Variants in DZIP3 observed in about 807,000 individuals in gnomAD.
DZIP3 encodes DAZ interacting zinc finger protein 3.
DZIP3 carries 118 observed loss-of-function variants against 162.0 expected under a neutral mutation model. The ratio of observed to expected loss-of-function variants is 0.73; its 90% CI spans 0.63 to 0.85. DZIP3 has a LOEUF of 0.85. Among genes scored for constraint, DZIP3 ranks in the 40% least tolerant of loss-of-function variants. DZIP3 has a pLI of 0.00. For synonymous variants in DZIP3, 438 were observed against 458.6 expected, an observed-to-expected ratio of 0.96 and a Z score of 0.57; for missense variants, 1,331 against 1,407.0, an observed-to-expected ratio of 0.95 and a Z score of 0.86.
chr3:108,665,740 C>G (rs1328828816), intron 21 of DZIP3, among the ~76,000 whole-genome samples: 2 of 152,000 alleles, frequency 1.3e-5, no homozygotes, highest in East Asian at 3.9e-4. Context: ...CTTATGAGAA[C>G]AGTAATTTGA....
chr3:108,616,301 TAAATA>T (rs1463190605), intron 4 of DZIP3, among the ~76,000 whole-genome samples: 7 of 145,336 alleles, frequency 4.8e-5, no homozygotes, highest in African/African-American at 1.8e-4. Context: ...AATAAATAAA[TAAATA>T]AAATAAAATT....
At chr3:108,675,014 T>C (rs1314030303) in intron 24 of DZIP3, among the ~76,000 whole-genome samples, 3 of 151,950 alleles carry the variant, frequency 2.0e-5, no homozygotes, top group Non-Finnish European at 2.9e-5. Flanking sequence ...GAGTGCTCTA[T>C]ACATTAGGAT....
At chr3:108,613,510 T>G (rs1283775051) in intron 4 of DZIP3, among the ~76,000 whole-genome samples, 1 of 152,138 alleles carries the variant, frequency 6.6e-6, no homozygotes, top group African/African-American at 2.4e-5. Flanking sequence ...TTATGAATGA[T>G]AAGATGATAA....
intron 3 of DZIP3, among the ~76,000 whole-genome samples, chr3:108,608,803 A>G (rs924876561): frequency 6.6e-5 from 10 of 152,200 alleles, no homozygotes; most frequent in African/African-American, 2.4e-4. Context: ...ATAATGATTG[A>G]TGTCCACTTG....
intron 19 of DZIP3, among the ~76,000 whole-genome samples, chr3:108,660,931 T>G (rs1943396315): frequency 6.6e-6 from 1 of 152,008 alleles, no homozygotes; most frequent in African/African-American, 2.4e-5. Flanking sequence ...AAAACCACAA[T>G]GAGATACCAT....
Position 108,661,893 on chromosome 3 carries a change from T to G in DZIP3, c.2216T>G (p.Val739Gly). The G allele has an allele frequency of 6.2e-7, 1 of 1,613,496 alleles. No homozygotes were observed. Among genetic ancestry groups the G allele is most frequent in the Non-Finnish European group, 8.5e-7 (1 of 1,179,622 alleles). Residue 739 changes from valine (V) to glycine (G), a missense_variant, in exon 20 of 33, where the codon GTA becomes GGA. This residue lies in a region of DZIP3 where 1,278 missense variants were observed against 1,317.1 expected (regional missense o/e 0.97). Transcript: ENST00000361582. ...DMIEQGSAGK[V>G]TTDYGETEKE... ...GCTCAATAGGGCTCAGCTGGCAAAG[T>G]AACTACAGACTATGGAGAAACTGAA...
In DZIP3 at chr3:108,644,714, G is replaced by A. The variant is rs1285722271; in HGVS notation, c.1692G>A (p.Gln564=). ...PIENISLDYH[Q]LSVYLGIPVP... is the part of the protein sequence containing the mutation. ...AGAATATCTCCCTTGATTACCATCAGCTATCTGTCTACCTAGGCATACCAG... is the reference window on the plus strand; with the variant it reads ...AGAATATCTCCCTTGATTACCATCAACTATCTGTCTACCTAGGCATACCAG... Residue 564 remains glutamine (Q), a synonymous_variant, in exon 14 of 33, where the codon CAG becomes CAA. Transcript: ENST00000361582. The A allele has an allele frequency of 6.2e-7, 1 of 1,612,446 alleles. No individual in the cohort carries two copies. The highest frequency in any genetic ancestry group is 8.5e-7 in the Non-Finnish European group (1 of 1,179,858).
chr3:108,616,445 A>T (rs2107529526), intron 4 of DZIP3, 96 bp from the exon 5 acceptor site: 3 of 824,980 alleles, frequency 3.6e-6, no homozygotes, highest in Non-Finnish European at 5.6e-6. Flanking sequence ...TATTTTTAAA[A>T]TTTTCTCCAA....
At chr3:108,617,436 A>G (rs1465221005) in intron 5 of DZIP3, among the ~76,000 whole-genome samples, 1 of 152,158 alleles carries the variant, frequency 6.6e-6, no homozygotes, top group Admixed American at 6.5e-5. Context: ...ATAATTAATC[A>G]GCTTCTCTTT....
chr3:108,619,325 T>TGTG (rs1407901267), intron 5 of DZIP3, among the ~76,000 whole-genome samples: 6 of 149,696 alleles, frequency 4.0e-5, no homozygotes, highest in African/African-American at 1.5e-4. Flanking sequence ...TGTGTGTGTG[T>TGTG]TTTGTTTTAT....
chr3:108,643,863 T>C (rs761237993), intron 13 of DZIP3, among the ~76,000 whole-genome samples: 10 of 152,166 alleles, frequency 6.6e-5, no homozygotes, highest in Admixed American at 3.3e-4. Context: ...GACCTAATAC[T>C]GTGATGCCAT....
chr3:108,638,201 T>C (rs1160973066), intron 12 of DZIP3, among the ~76,000 whole-genome samples: 1 of 152,180 alleles, frequency 6.6e-6, no homozygotes, highest in Non-Finnish European at 1.5e-5. Flanking sequence ...ATACTGAGTA[T>C]CTCCATTTTT....
chr3:108,652,468 A>G (rs865901451), intron 18 of DZIP3, among the ~76,000 whole-genome samples: 4 of 151,902 alleles, frequency 2.6e-5, no homozygotes, highest in Non-Finnish European at 5.9e-5. Flanking sequence ...CAACATTTTG[A>G]TCAAGGACAG....
At chr3:108,607,697 A>C (rs1471278542) in intron 2 of DZIP3, among the ~76,000 whole-genome samples, 1 of 152,196 alleles carries the variant, frequency 6.6e-6, no homozygotes, top group East Asian at 1.9e-4. Context: ...AGAAAATAAG[A>C]TGATCTATTT....
chr3:108,690,230 C>T (rs114283827), intron 31 of DZIP3, among the ~76,000 whole-genome samples: 1 of 152,194 alleles, frequency 6.6e-6, no homozygotes, highest in African/African-American at 2.4e-5. Context: ...CTGACCTGGC[C>T]CTCCATTATT....
intron 14 of DZIP3, among the ~76,000 whole-genome samples, chr3:108,645,495 C>T (rs898442276): frequency 2.0e-5 from 3 of 152,114 alleles, no homozygotes; most frequent in East Asian, 1.9e-4. Flanking sequence ...TCTATTGATA[C>T]GGAAAAGACT....
In DZIP3 at chr3:108,644,492, A is replaced by T; in HGVS notation, c.1470A>T (p.Glu490Asp). 6.2e-7 allele frequency: 1 copy of T among 1,614,146 alleles called. No homozygotes were observed. Among genetic ancestry groups the T allele is most frequent in the Non-Finnish European group, 8.5e-7 (1 of 1,179,992 alleles). ...CACCCAAAAAAGGATGGAATATGGAACCGCCATCTTCTGACATCTCTAAAT... is the reference window on the plus strand; with the variant it reads ...CACCCAAAAAAGGATGGAATATGGATCCGCCATCTTCTGACATCTCTAAAT... ...FPAPKKGWNMEPPSSDISKSA... is the reference protein window; with the variant it reads ...FPAPKKGWNMDPPSSDISKSA... Residue 490 changes from glutamate (E) to aspartate (D), a missense_variant, in exon 14 of 33, where the codon GAA (glutamate) becomes GAT (aspartate). Physicochemically the swap from Glu to Asp is conservative, Grantham distance 45 (BLOSUM62 2). Transcript: ENST00000361582.
At chr3:108,589,523 C>G, upstream of DZIP3, 1 of 543,690 alleles carries the variant, frequency 1.8e-6, no homozygotes, top group Non-Finnish European at 3.3e-6. Context: ...CCCTAGGCAC[C>G]CTAGGGGACC....
At chr3:108,650,135 C>G (rs1942797713) in intron 17 of DZIP3, among the ~76,000 whole-genome samples, 1 of 151,770 alleles carries the variant, frequency 6.6e-6, no homozygotes. Context: ...TGGTAATGCT[C>G]AAGCTCTCAA....
Sources: gnomAD v4.1 joint callset for allele counts (sites outside exome capture counted in the v4.1 genomes callset) on GRCh38, gnomAD v4.1.1 for gene constraint, gnomAD v4.1.1 regional missense constraint, MANE v1.5 for transcripts, NCBI Gene and HGNC (gene_info 2026-07-23, HGNC 2026-07-21) for gene names.